Variants in HS6ST3 observed in about 807,000 individuals in gnomAD.
HS6ST3 encodes the protein heparan sulfate 6-O-sulfotransferase 3.
In HS6ST3, 12 loss-of-function variants were observed where a neutral mutation model predicts 36.7. The ratio of observed to expected loss-of-function variants is 0.33; its 90% CI spans 0.21 to 0.53. The LOEUF is 0.53. Among genes scored for constraint, HS6ST3 ranks in the 20% least tolerant of loss-of-function variants. HS6ST3 has a pLI of 0.95. For missense variants in HS6ST3, 584 were observed against 640.9 expected, an observed-to-expected ratio of 0.91 and a Z score of 0.96; for synonymous variants, 240 against 257.5, an observed-to-expected ratio of 0.93 and a Z score of 0.65.
intron 1 of HS6ST3, among the ~76,000 whole-genome samples, chr13:96,748,800 T>C (rs1876625836): frequency 6.6e-6 from 1 of 152,046 alleles, no homozygotes; most frequent in African/African-American, 2.4e-5. Flanking sequence ...ATAATTATAC[T>C]CCTTCCTTCT....
At chr13:96,291,219 A>G (rs2054828181) in intron 1 of HS6ST3, among the ~76,000 whole-genome samples, 1 of 152,112 alleles carries the variant, frequency 6.6e-6, no homozygotes, top group Non-Finnish European at 1.5e-5. Flanking sequence ...TCAATACGTA[A>G]TCCTTAGGGC....
chr13:96,178,649 A>G (rs978417140), intron 1 of HS6ST3, among the ~76,000 whole-genome samples: 6 of 152,062 alleles, frequency 3.9e-5, no homozygotes, highest in Non-Finnish European at 7.4e-5. Flanking sequence ...GATACTTTCT[A>G]CCTGAGATCT....
chr13:96,393,535 A>G (rs528164039), intron 1 of HS6ST3, among the ~76,000 whole-genome samples: 6 of 152,322 alleles, frequency 3.9e-5, no homozygotes, highest in African/African-American at 9.6e-5. Flanking sequence ...ACAGGCATAT[A>G]TTTTTGGCAG....
intron 1 of HS6ST3, among the ~76,000 whole-genome samples, chr13:96,501,664 G>C (rs550221995): frequency 9.2e-5 from 14 of 152,322 alleles, no homozygotes; most frequent in Non-Finnish European, 1.9e-4. Context: ...TACCCTGAAT[G>C]CTGCCTTTTC....
chr13:96,135,946 T>A (rs953703860), intron 1 of HS6ST3, among the ~76,000 whole-genome samples: 5 of 152,254 alleles, frequency 3.3e-5, no homozygotes, highest in African/African-American at 1.2e-4. Context: ...AGAAAGGGCC[T>A]CTCTCCCCTG....
chr13:96,814,825 T>C (rs1273535285), intron 1 of HS6ST3, among the ~76,000 whole-genome samples: 2 of 152,224 alleles, frequency 1.3e-5, no homozygotes, highest in Non-Finnish European at 2.9e-5. Flanking sequence ...CTTCTACTTT[T>C]TTTCTCCTGT....
chr13:96,117,965 G>T (rs1215643157), intron 1 of HS6ST3, among the ~76,000 whole-genome samples: 2 of 151,920 alleles, frequency 1.3e-5, no homozygotes, highest in African/African-American at 4.8e-5. Flanking sequence ...CTCCTCCTGG[G>T]TTCAAACAAT....
intron 1 of HS6ST3, among the ~76,000 whole-genome samples, chr13:96,259,435 G>A (rs1477058538): frequency 6.6e-6 from 1 of 152,168 alleles, no homozygotes; most frequent in Non-Finnish European, 1.5e-5. Flanking sequence ...GCTCTGGGAA[G>A]AGCAATGGGA....
intron 1 of HS6ST3, among the ~76,000 whole-genome samples, chr13:96,570,059 T>C (rs74107931): frequency 0.018 from 2,747 of 152,322 alleles, 84 homozygotes; most frequent in African/African-American, 0.062. Flanking sequence ...TTATGTTTCA[T>C]TTTATAGGAA....
At chr13:96,598,900 C>T (rs958421184) in intron 1 of HS6ST3, among the ~76,000 whole-genome samples, 1 of 152,026 alleles carries the variant, frequency 6.6e-6, no homozygotes, top group Admixed American at 6.6e-5. Context: ...TGGATTTTAT[C>T]AATATTTTTC....
At chr13:96,825,403 A>C (rs1878627496) in intron 1 of HS6ST3, among the ~76,000 whole-genome samples, 1 of 152,166 alleles carries the variant, frequency 6.6e-6, no homozygotes, top group East Asian at 1.9e-4. Context: ...GAAGGAAAGA[A>C]AGAAACAGAA....
intron 1 of HS6ST3, among the ~76,000 whole-genome samples, chr13:96,813,008 G>A (rs16953595): frequency 3.9e-5 from 6 of 152,108 alleles, no homozygotes; most frequent in South Asian, 4.2e-4. Context: ...CTATGCTCTC[G>A]TCTGATCACA....
intron 1 of HS6ST3, among the ~76,000 whole-genome samples, chr13:96,625,604 A>C (rs2056509371): frequency 6.6e-6 from 1 of 152,096 alleles, no homozygotes. Flanking sequence ...ATTTTAATTA[A>C]ATTTTCCTAA....
chr13:96,513,713 A>C (rs1033777798), intron 1 of HS6ST3, among the ~76,000 whole-genome samples: 2 of 152,106 alleles, frequency 1.3e-5, no homozygotes, highest in African/African-American at 4.8e-5. Flanking sequence ...ATACTTTCTG[A>C]GAAATGCATT....
intron 1 of HS6ST3, among the ~76,000 whole-genome samples, chr13:96,132,416 T>C (rs1332313877): frequency 1.3e-5 from 2 of 152,048 alleles, no homozygotes; most frequent in African/African-American, 4.8e-5. Context: ...TTTTCTTTTT[T>C]TTTTTTAAGA....
chr13:96,542,341 G>GATT (rs1422013431), intron 1 of HS6ST3, among the ~76,000 whole-genome samples: 1 of 152,128 alleles, frequency 6.6e-6, no homozygotes, highest in Non-Finnish European at 1.5e-5. Flanking sequence ...TGGGCAGTAT[G>GATT]ATAATAGAGT....
intron 1 of HS6ST3, among the ~76,000 whole-genome samples, chr13:96,568,416 A>G (rs1164203767): frequency 1.3e-5 from 2 of 152,008 alleles, no homozygotes; most frequent in Non-Finnish European, 2.9e-5. Flanking sequence ...ACAGGCATGC[A>G]CCACCACGGC....
At chr13:96,801,723 C>T (rs1230088882) in intron 1 of HS6ST3, among the ~76,000 whole-genome samples, 1 of 152,090 alleles carries the variant, frequency 6.6e-6, no homozygotes, top group Non-Finnish European at 1.5e-5. Flanking sequence ...GTCCCTCTTG[C>T]TGGTGCTCTA....
intron 1 of HS6ST3, among the ~76,000 whole-genome samples, chr13:96,352,836 A>G (rs2055190338): frequency 1.3e-5 from 2 of 152,206 alleles, no homozygotes; most frequent in South Asian, 4.1e-4. Context: ...TACAAATTAT[A>G]TCAGTTATGC....
Sources: gnomAD v4.1 joint callset for allele counts (sites outside exome capture counted in the v4.1 genomes callset) on GRCh38, gnomAD v4.1.1 for gene constraint, MANE v1.5 for transcripts, NCBI Gene and HGNC (gene_info 2026-07-23, HGNC 2026-07-21) for gene names.